Variants in RAB27B observed in about 807,000 individuals in gnomAD.
The protein encoded by RAB27B is ras-related protein Rab-27B.
A neutral mutation model predicts 24.6 loss-of-function variants in RAB27B; 15 were observed. That is an observed-to-expected ratio of 0.61 (90% confidence interval 0.41 to 0.94). The LOEUF is 0.94. RAB27B is among the 40% of genes least tolerant of loss of function. RAB27B has a pLI of 0.00. For missense variants in RAB27B, 261 were observed against 266.8 expected, an observed-to-expected ratio of 0.98 and a Z score of 0.15; for synonymous variants, 105 against 92.5, an observed-to-expected ratio of 1.14 and a Z score of -0.78.
chr18:54,719,418 T>C (rs373873281), intron 2 of RAB27B, among the ~76,000 whole-genome samples: 10 of 152,050 alleles, frequency 6.6e-5, no homozygotes, highest in African/African-American at 2.4e-4. Context: ...TCTGATATAA[T>C]ATTTACTATA....
chr18:54,757,657 C>A lies in RAB27B; in HGVS notation c.-20+39516C>A, dbSNP rs972836276. On this transcript the variant is annotated intron_variant, in intron 2 of 4. Transcript: ENST00000586570. ...GACAATGTAATTTATCTCTAAGGACCAATTTGATAAAATTGGGACAAAAAA... is the reference window on the plus strand; with the variant it reads ...GACAATGTAATTTATCTCTAAGGACAAATTTGATAAAATTGGGACAAAAAA... Among the ~76,000 whole-genome samples the A allele has an allele frequency of 4.6e-5, 7 of 151,890 alleles. No homozygotes were observed. The South Asian group carries it at 1.0e-3, about 23-fold the overall frequency.
At chr18:54,871,849 C>CAAAAAAA (rs11388519) in intron 1 of RAB27B, among the ~76,000 whole-genome samples, 3 of 85,964 alleles carry the variant, frequency 3.5e-5, no homozygotes, top group Non-Finnish European at 2.3e-5. Flanking sequence ...GACTCCATCT[C>CAAAAAAA]AAAAAAAAAA....
intron 1 of RAB27B, among the ~76,000 whole-genome samples, chr18:54,840,100 A>G (rs1357585478): frequency 1.3e-5 from 2 of 152,194 alleles, no homozygotes; most frequent in Non-Finnish European, 2.9e-5. Flanking sequence ...TGTCTGGGCA[A>G]ATAATGTTAT....
intron 2 of RAB27B, among the ~76,000 whole-genome samples, chr18:54,746,479 T>C (rs1366660199): frequency 6.6e-6 from 1 of 152,224 alleles, no homozygotes; most frequent in East Asian, 1.9e-4. Context: ...GCAAGCATTT[T>C]TGAAAAACAA....
intron 1 of RAB27B, among the ~76,000 whole-genome samples, chr18:54,850,333 G>GATATATATATATATATATATATATAT (rs35735191): frequency 1.1e-3 from 108 of 95,122 alleles, no homozygotes; most frequent in Non-Finnish European, 1.4e-3. Context: ...AAACAAACAG[G>GATATATATATATATATATATATATAT]ATATATATAT....
At chr18:54,785,180 C>T (rs561404492) in intron 2 of RAB27B, among the ~76,000 whole-genome samples, 1 of 152,210 alleles carries the variant, frequency 6.6e-6, no homozygotes, top group East Asian at 1.9e-4. Context: ...CGGCTCACTG[C>T]AACCTTCGCC....
chr18:54,733,657 C>CCT (rs904037380), intron 2 of RAB27B, among the ~76,000 whole-genome samples: 2 of 135,874 alleles, frequency 1.5e-5, no homozygotes, highest in Non-Finnish European at 3.3e-5. Flanking sequence ...AGAGCCCCCC[C>CCT]CCCCCAAATT....
chr18:54,837,855 T>C (rs1320845292), intron 1 of RAB27B, among the ~76,000 whole-genome samples: 3 of 152,124 alleles, frequency 2.0e-5, no homozygotes, highest in Non-Finnish European at 2.9e-5. Context: ...AATATGCCTG[T>C]AGCTTCTGTG....
intron 2 of RAB27B, among the ~76,000 whole-genome samples, chr18:54,727,280 TTA>T (rs754983015): frequency 3.3e-5 from 5 of 151,414 alleles, no homozygotes; most frequent in Non-Finnish European, 4.4e-5. Flanking sequence ...AGCCCAGAAT[TTA>T]TATATATATA....
intron 1 of RAB27B, among the ~76,000 whole-genome samples, chr18:54,833,202 C>T (rs1910756520): frequency 6.6e-6 from 1 of 150,512 alleles, no homozygotes; most frequent in South Asian, 2.1e-4. Context: ...AGGGTCATCT[C>T]CCTCTTCTTT....
At chr18:54,872,699 A>G (rs911140386) in intron 1 of RAB27B, among the ~76,000 whole-genome samples, 1 of 152,140 alleles carries the variant, frequency 6.6e-6, no homozygotes, top group African/African-American at 2.4e-5. Flanking sequence ...TGAGTCTTTA[A>G]TCTAAATACT....
intron 1 of RAB27B, among the ~76,000 whole-genome samples, chr18:54,835,569 A>G (rs1370588569): frequency 6.6e-6 from 1 of 152,010 alleles, no homozygotes; most frequent in Non-Finnish European, 1.5e-5. Context: ...AACATACGTT[A>G]CAGGAAAAAA....
At chr18:54,728,408 G>A (rs992202628) in intron 2 of RAB27B, among the ~76,000 whole-genome samples, 7 of 152,154 alleles carry the variant, frequency 4.6e-5, no homozygotes, top group Non-Finnish European at 8.8e-5. Flanking sequence ...GACCCTGAGG[G>A]GTGAAGCCCA....
rs145601968 is a variant in RAB27B at position 54,732,176 on chromosome 18, C to A, written c.-20+14035C>A. On this transcript the variant is annotated intron_variant, in intron 2 of 4. Coordinates refer to the RAB27B transcript ENST00000586570. The stretch of plus-strand genomic sequence containing the variant: ...AGTTATCTATCTAAAGAACAAATGG[C>A]TCAATAAAAGAGTGATTGCTCCTGG... 4.6e-5 allele frequency among the ~76,000 whole-genome samples: 7 copies of A among 152,250 alleles called. No individual in the cohort carries two copies. The South Asian group carries it at 1.0e-3, about 23-fold the overall frequency.
In RAB27B at chr18:54,849,595, T is replaced by G. The variant is rs1467830680; in HGVS notation, c.-20+20895T>G. The stretch of plus-strand genomic sequence containing the variant: ...AATTAGCCAGACGTGGTGGCATGCT[T>G]CTGTAATTCCAGCTACTCAGAAGGC... On this transcript the variant is annotated intron_variant, in intron 1 of 5. Coordinates refer to ENST00000262094, the MANE Select transcript of RAB27B (RefSeq NM_004163.4). Among the ~76,000 whole-genome samples the G allele has an allele frequency of 2.6e-5, 4 of 152,010 alleles. No individual in the cohort carries two copies. In the East Asian group the frequency reaches 5.8e-4, roughly 22 times the overall value.
chr18:54,727,180 G>A (rs1225478533), intron 2 of RAB27B, among the ~76,000 whole-genome samples: 1 of 152,096 alleles, frequency 6.6e-6, no homozygotes. Context: ...CATCATGTTG[G>A]CCAGGCTGGT....
intron 1 of RAB27B, among the ~76,000 whole-genome samples, chr18:54,832,912 T>C (rs1339663526): frequency 6.6e-6 from 1 of 152,066 alleles, no homozygotes; most frequent in Non-Finnish European, 1.5e-5. Context: ...ATTCTGAAAA[T>C]AGCATTTCAC....
At chr18:54,817,748 TAGAGG>T (rs1910164764) in intron 2 of RAB27B, among the ~76,000 whole-genome samples, 1 of 151,908 alleles carries the variant, frequency 6.6e-6, no homozygotes, top group South Asian at 2.1e-4. Context: ...GTAGTGAACC[TAGAGG>T]AGATCTCATA....
At chr18:54,830,583 T>C (rs1257602922) in intron 1 of RAB27B, among the ~76,000 whole-genome samples, 1 of 152,202 alleles carries the variant, frequency 6.6e-6, no homozygotes, top group Non-Finnish European at 1.5e-5. Context: ...TATGTCACTT[T>C]CTAAAGATGG....
Sources: gnomAD v4.1 joint callset for allele counts (sites outside exome capture counted in the v4.1 genomes callset) on GRCh38, gnomAD v4.1.1 for gene constraint, MANE v1.5 for transcripts, NCBI Gene and HGNC (gene_info 2026-07-23, HGNC 2026-07-21) for gene names.